ERC1: variants seen among roughly 807,000 people sequenced by gnomAD.
ERC1 encodes RAB6 interacting protein 2.
ERC1 carries 56 observed loss-of-function variants against 132.0 expected under a neutral mutation model. That is an observed-to-expected ratio of 0.42 (90% CI 0.34 to 0.53). The LOEUF (loss-of-function observed/expected upper bound fraction) is 0.53, where lower values mean the gene tolerates loss of function less well. Among genes scored for constraint, ERC1 ranks in the 20% least tolerant of loss-of-function variants. The pLI, the probability that ERC1 is intolerant of heterozygous loss-of-function variation, is 0.03. For synonymous variants in ERC1, 478 were observed against 476.1 expected (o/e 1.00, Z -0.05); for missense variants, 1,202 against 1,349.9 (o/e 0.89, Z 1.72).
At chr12:1,473,318 C>T (rs992191838) in intron 18 of ERC1, among the ~76,000 whole-genome samples, 4 of 152,274 alleles carry the variant, frequency 2.6e-5, no homozygotes, top group South Asian at 2.1e-4. Flanking sequence ...TGAGCCACTG[C>T]GCCCGGCCCA....
intron 15 of ERC1, among the ~76,000 whole-genome samples, chr12:1,302,705 C>T (rs58328564): frequency 0.088 from 13,383 of 152,104 alleles, 826 homozygotes; most frequent in African/African-American, 0.16. Context: ...GAATGGGTCA[C>T]GCCTGTAATC....
chr12:1,017,739 T>G (rs2154143151), intron 1 of ERC1, among the ~76,000 whole-genome samples: 2 of 152,252 alleles, frequency 1.3e-5, no homozygotes, highest in South Asian at 4.2e-4. Context: ...TCTCAGGTGA[T>G]CTGCCCGCCT....
In ERC1 at chr12:1,104,126, TAA is replaced by T. The variant is rs368864717; in HGVS notation, c.1087-609_1087-608del. ...TATCCTGAACTCAGTAAAATTTGGG[TAA>T]AAAAAAAAAAAAAAGCTATGTTTTT... On this transcript the variant is annotated intron_variant, in intron 3 of 18. Coordinates refer to ENST00000360905, the MANE Select transcript of ERC1 (RefSeq NM_178040.4). 4.5e-3 allele frequency among the ~76,000 whole-genome samples: 563 copies of T among 125,052 alleles called. 4 individuals carry two copies. The highest frequency in any genetic ancestry group is 0.014 in the African/African-American group (472 of 34,358). 82.0% of individuals were successfully genotyped at this position (125,052 alleles called of 152,430 possible).
chr12:1,324,025 T>C (rs1594998053), intron 15 of ERC1, among the ~76,000 whole-genome samples: 2 of 152,278 alleles, frequency 1.3e-5, no homozygotes, highest in South Asian at 4.2e-4. Flanking sequence ...ATTGGTCTTG[T>C]CTCCCTGCTA....
intron 18 of ERC1, among the ~76,000 whole-genome samples, chr12:1,482,764 A>G (rs1468940436): frequency 6.6e-6 from 1 of 151,842 alleles, no homozygotes; most frequent in Non-Finnish European, 1.5e-5. Flanking sequence ...TTATAGTTTT[A>G]CTGAGATATA....
intron 12 of ERC1, among the ~76,000 whole-genome samples, chr12:1,233,748 T>G (rs2075227165): frequency 1.3e-5 from 2 of 151,890 alleles, no homozygotes; most frequent in African/African-American, 2.4e-5. Flanking sequence ...TTTAAAAAAA[T>G]CACTGGCATT....
intron 15 of ERC1, among the ~76,000 whole-genome samples, chr12:1,363,404 C>T (rs1232877309): frequency 6.6e-6 from 1 of 152,128 alleles, no homozygotes; most frequent in African/African-American, 2.4e-5. Flanking sequence ...CAATCAATGT[C>T]ATTTACTGAG....
intron 18 of ERC1, among the ~76,000 whole-genome samples, chr12:1,447,326 T>C (rs565425323): frequency 2.7e-4 from 41 of 152,156 alleles, no homozygotes; most frequent in Admixed American, 6.5e-5. Flanking sequence ...AAAACCAGCC[T>C]GGGCAACATA....
At chr12:1,401,010 A>G (rs571853788) in intron 16 of ERC1, among the ~76,000 whole-genome samples, 12 of 124,786 alleles carry the variant, frequency 9.6e-5, no homozygotes, top group African/African-American at 3.7e-4. Context: ...ATCTGGGCTC[A>G]CTGCAAGCTC....
chr12:1,346,799 G>A (rs185093574), intron 15 of ERC1, among the ~76,000 whole-genome samples: 22 of 150,864 alleles, frequency 1.5e-4, no homozygotes, highest in East Asian at 7.7e-4. Context: ...AAAATTAGCC[G>A]GGCGCGGTGG....
chr12:1,189,617 TA>T (rs1255530034), intron 11 of ERC1, among the ~76,000 whole-genome samples: 1 of 152,242 alleles, frequency 6.6e-6, no homozygotes, highest in Non-Finnish European at 1.5e-5. Flanking sequence ...TTTGATTTAA[TA>T]ATATTCAGAG....
intron 2 of ERC1, among the ~76,000 whole-genome samples, chr12:1,058,878 A>G (rs1973515991): frequency 6.6e-6 from 1 of 150,536 alleles, no homozygotes; most frequent in Admixed American, 6.7e-5. Flanking sequence ...TGAAACCTCA[A>G]ACTCTTGGGC....
At chr12:1,044,316 T>C (rs1341410848) in intron 2 of ERC1, among the ~76,000 whole-genome samples, 2 of 152,250 alleles carry the variant, frequency 1.3e-5, no homozygotes, top group African/African-American at 4.8e-5. Flanking sequence ...TGGAATTCTC[T>C]AAGAGTCTGT....
chr12:1,076,420 A>T (rs1593141592), intron 2 of ERC1, among the ~76,000 whole-genome samples: 1 of 129,722 alleles, frequency 7.7e-6, no homozygotes, highest in Non-Finnish European at 1.6e-5. Context: ...TTGGAGATGG[A>T]GTCTCACTCT....
chr12:1,473,324 G>A (rs530237541), intron 18 of ERC1, among the ~76,000 whole-genome samples: 103 of 152,278 alleles, frequency 6.8e-4, no homozygotes, highest in African/African-American at 2.4e-3. Flanking sequence ...ACTGCGCCCG[G>A]CCCAAACTCT....
At chr12:1,083,668 T>C in intron 3 of ERC1, 88 bp downstream of exon 3, 3 of 972,858 alleles carry the variant, frequency 3.1e-6, no homozygotes, top group Non-Finnish European at 4.6e-6. Flanking sequence ...TGAATCTACG[T>C]GCTCTGCCGT....
At chr12:1,465,745 C>T (rs939866702) in intron 18 of ERC1, among the ~76,000 whole-genome samples, 7 of 152,306 alleles carry the variant, frequency 4.6e-5, no homozygotes, top group African/African-American at 9.6e-5. Context: ...CCTCTCTCCC[C>T]GCAGTACCAC....
chr12:1,281,910 C>T (rs548747060), intron 14 of ERC1, among the ~76,000 whole-genome samples: 2 of 152,162 alleles, frequency 1.3e-5, no homozygotes, highest in Non-Finnish European at 2.9e-5. Context: ...GTCATAGCAG[C>T]AGGGGGATGT....
chr12:1,329,184 C>T (rs1566600590), intron 15 of ERC1, among the ~76,000 whole-genome samples: 1 of 144,972 alleles, frequency 6.9e-6, no homozygotes, highest in Non-Finnish European at 1.5e-5. Context: ...ATCCCAGCTA[C>T]TTGGGAGGCT....
Sources: gnomAD v4.1 joint callset for allele counts (sites outside exome capture counted in the v4.1 genomes callset) on GRCh38, gnomAD v4.1.1 for gene constraint, MANE v1.5 for transcripts, NCBI Gene and HGNC (gene_info 2026-07-23, HGNC 2026-07-21) for gene names.